GDI2: variants seen among roughly 807,000 people sequenced by gnomAD.
GDI2 encodes the protein GDP dissociation inhibitor 2, also known as rab GDP dissociation inhibitor beta.
Under a neutral mutation model 54.2 loss-of-function variants are expected in GDI2, and 22 were observed. That is an observed-to-expected ratio of 0.41 (90% confidence interval 0.29 to 0.58). The LOEUF is 0.58. GDI2 is among the 20% of genes least tolerant of loss of function. GDI2 has a pLI of 0.35. For synonymous variants in GDI2, 177 were observed against 182.1 expected (o/e 0.97, Z 0.23); for missense variants, 422 against 546.0 (o/e 0.77, Z 2.26).
chr10:5,785,776 A>T, intron 5 of GDI2, 76 bp downstream of exon 5: 2 of 895,126 alleles, frequency 2.2e-6, no homozygotes, highest in Non-Finnish European at 3.6e-6. Context: ...GTTTTGTTAG[A>T]ATTTCCACTT....
At chr10:5,808,755 G>C (rs899586032) in intron 1 of GDI2, among the ~76,000 whole-genome samples, 1 of 127,060 alleles carries the variant, frequency 7.9e-6, no homozygotes, top group African/African-American at 2.8e-5. Flanking sequence ...ACACAAATGT[G>C]ATCAGGAGTA....
chr10:5,793,259 C>T lies in GDI2; in HGVS notation c.388+1626G>A, dbSNP rs150398112. ...ATCCTCCTACCACGGCTTCCCAAAG[C>T]AATGGGATCACAAGCGTGAGCCACC... On this transcript the variant is annotated intron_variant, in intron 4 of 10. Transcript: ENST00000380191. Among the ~76,000 whole-genome samples, 3 of 152,128 alleles carry T rather than the reference C, an allele frequency of 2.0e-5. No homozygotes were observed. In the East Asian group the frequency reaches 5.8e-4, roughly 29 times the overall value.
At chr10:5,805,537 C>T (rs1022066104) in intron 1 of GDI2, among the ~76,000 whole-genome samples, 2 of 152,052 alleles carry the variant, frequency 1.3e-5, no homozygotes, top group African/African-American at 2.4e-5. Context: ...TGTGCCACCA[C>T]GCCTGCCAAA....
In GDI2 at chr10:5,765,925, G is replaced by A; in HGVS notation, c.*81C>T. 2.1e-6 allele frequency: 2 copies of A among 960,552 alleles called. No individual in the cohort carries two copies. Among genetic ancestry groups the A allele is most frequent in the Non-Finnish European group, 3.1e-6 (2 of 639,430 alleles). 59.5% of individuals were successfully genotyped at this position (960,552 alleles called of 1,614,324 possible). A position where few individuals can be genotyped will look rare whatever the true frequency, so the allele number is the denominator to read the frequency against. ...CTCTCCATTTTCATTACAAAAGCAG[G>A]CCTTACAATATTGATTTCATTATAT... On this transcript the variant is annotated 3_prime_UTR_variant, in exon 11 of 11. Coordinates refer to ENST00000380191, the MANE Select transcript of GDI2 (RefSeq NM_001494.4).
rs762081303 is a variant in GDI2 at position 5,794,903 on chromosome 10, C to T, written c.370G>A (p.Ala124Thr). The T allele has an allele frequency of 1.2e-6, 2 of 1,605,320 alleles. No individual in the cohort carries two copies. The highest frequency in any genetic ancestry group is 2.2e-5 in the East Asian group (1 of 44,822). Residue 124 changes from alanine to threonine, a missense_variant, in exon 4 of 11, where the codon GCA becomes ACA. Transcript: ENST00000380191. Reference sequence around the variant, plus strand: ...TACTTACTAGATGCCAGGGCTTCTGCTTCAGTGGAAGGAACCTTGTAGATT... The same window carrying T: ...TACTTACTAGATGCCAGGGCTTCTGTTTCAGTGGAAGGAACCTTGTAGATT... ...GKIYKVPSTEAEALASSLMGL... is the reference protein window; with the variant it reads ...GKIYKVPSTETEALASSLMGL...
In GDI2 at chr10:5,793,844, G is replaced by A. The variant is rs73612470; in HGVS notation, c.388+1041C>T. Among the ~76,000 whole-genome samples, 600 of 152,176 alleles carry A rather than the reference G, an allele frequency of 3.9e-3. 3 individuals carry two copies. The highest frequency in any genetic ancestry group is 0.014 in the African/African-American group (573 of 41,510). ...ACCAGAACTCTTTGGTGAGGCAACA[G>A]AGGAAATAATGTTGGGCAGAGAATA... On this transcript the variant is annotated intron_variant, in intron 4 of 10. Transcript: ENST00000380191.
Position 5,776,542 on chromosome 10 carries a change from G to T in GDI2, c.720-2601C>A. On this transcript the variant is annotated intron_variant, in intron 6 of 10. Transcript: ENST00000380191. The surrounding 1 kb of genome is among the most constrained non-coding windows in gnomAD (Gnocchi z 5.3). ...ATTATAGAGAAGCAGATTTGAAGAG[G>T]CATGTGGAATTCCTTGTGGCTGAGA... is the stretch of plus-strand genomic sequence containing the variant. The T allele has an allele frequency of 1.9e-6, 3 of 1,552,848 alleles. No homozygotes were observed. The South Asian group carries it at 3.4e-5, about 17-fold the overall frequency.
chr10:5,796,905 A>AATTTTTTATTACAATATGTACAT (rs1229501006), intron 2 of GDI2, 43 bp from the exon 3 acceptor site: 1 of 935,134 alleles, frequency 1.1e-6, no homozygotes, highest in Non-Finnish European at 1.7e-6. Context: ...AACAAAATTT[A>AATTTTTTATTACAATATGTACAT]ATTTTTTATT....
intron 2 of GDI2, among the ~76,000 whole-genome samples, chr10:5,798,642 AAAAAG>A (rs1369078710): frequency 2.0e-5 from 3 of 152,092 alleles, no homozygotes; most frequent in African/African-American, 7.2e-5. Flanking sequence ...TGGGGAGAAA[AAAAAG>A]AAAAGAAATC....
intron 6 of GDI2, among the ~76,000 whole-genome samples, chr10:5,775,121 C>T (rs1453542445): frequency 6.6e-6 from 1 of 152,188 alleles, no homozygotes; most frequent in South Asian, 2.1e-4. Context: ...AACCCTGTTT[C>T]TACAACAAAT....
chr10:5,803,710 T>A (rs1332922977), intron 1 of GDI2, among the ~76,000 whole-genome samples: 1 of 151,976 alleles, frequency 6.6e-6, no homozygotes, highest in African/African-American at 2.4e-5. Context: ...AGGAAAAAGA[T>A]AAAGCAAGCA....
chr10:5,811,657 TAAAA>T (rs34264151), intron 1 of GDI2, among the ~76,000 whole-genome samples: 7 of 135,196 alleles, frequency 5.2e-5, no homozygotes, highest in Admixed American at 7.5e-5. Context: ...ATTAGGCACT[TAAAA>T]AAAAAAAAAA....
At chr10:5,791,437 C>T (rs1322300426) in intron 4 of GDI2, among the ~76,000 whole-genome samples, 2 of 152,004 alleles carry the variant, frequency 1.3e-5, no homozygotes, top group African/African-American at 2.4e-5. Context: ...TGGCGAAACC[C>T]GGTCTCTACT....
chr10:5,801,413 C>G (rs1441256131), intron 1 of GDI2, among the ~76,000 whole-genome samples: 1 of 152,100 alleles, frequency 6.6e-6, no homozygotes, highest in Non-Finnish European at 1.5e-5. Context: ...CAGTGGCTCA[C>G]GCCTGTAATC....
chr10:5,799,026 TGAG>T (rs1841207379), intron 2 of GDI2, among the ~76,000 whole-genome samples: 2 of 151,264 alleles, frequency 1.3e-5, no homozygotes, highest in Admixed American at 6.6e-5. Flanking sequence ...AAAAAAATTG[TGAG>T]GAGATTTGTA....
chr10:5,805,101 T>TACA (rs1364160219), intron 1 of GDI2, among the ~76,000 whole-genome samples: 1 of 151,898 alleles, frequency 6.6e-6, no homozygotes, highest in African/African-American at 2.4e-5. Flanking sequence ...CAAAGTGCTG[T>TACA]GATTACAGGG....
intron 2 of GDI2, among the ~76,000 whole-genome samples, chr10:5,799,774 T>C (rs982404750): frequency 1.3e-5 from 2 of 152,256 alleles, no homozygotes; most frequent in Admixed American, 1.3e-4. Flanking sequence ...GTATTATGCT[T>C]ATGCAGGAGA....
At chr10:5,811,991 G>A (rs539958960) in intron 1 of GDI2, 3 of 615,806 alleles carry the variant, frequency 4.9e-6, no homozygotes, top group South Asian at 3.7e-5. Flanking sequence ...GTTTGACCCT[G>A]AGAGATTATA....
At chr10:5,793,424 C>T (rs1208393270) in intron 4 of GDI2, among the ~76,000 whole-genome samples, 1 of 152,158 alleles carries the variant, frequency 6.6e-6, no homozygotes, top group African/African-American at 2.4e-5. Context: ...ACTAACTACC[C>T]GCAACTGAAT....
Sources: allele counts gnomAD v4.1 joint callset (sites outside exome capture counted in the v4.1 genomes callset), GRCh38; gene constraint gnomAD v4.1.1; non-coding constraint Gnocchi (gnomAD v3.1); transcripts MANE v1.5; gene names NCBI Gene and HGNC (gene_info 2026-07-23, HGNC 2026-07-21).